Variants in CYB5RL observed in about 807,000 individuals in gnomAD.
CYB5RL encodes cytochrome b5 reductase like.
CYB5RL carries 38 observed loss-of-function variants against 37.5 expected under a neutral mutation model. The ratio of observed to expected loss-of-function variants is 1.01; its 90% CI spans 0.78 to 1.33. The LOEUF (loss-of-function observed/expected upper bound fraction) is 1.33, where lower values mean the gene tolerates loss of function less well. Ranked by LOEUF, CYB5RL falls within the 40% of genes most tolerant of loss-of-function variation. The pLI is 0.00. For missense variants in CYB5RL, 388 were observed against 394.4 expected (o/e 0.98, Z 0.14); for synonymous variants, 141 against 151.9 (o/e 0.93, Z 0.53).
intron 3 of CYB5RL, among the ~76,000 whole-genome samples, chr1:54,192,931 T>G (rs1643969891): frequency 6.6e-6 from 1 of 152,062 alleles, no homozygotes; most frequent in Non-Finnish European, 1.5e-5. Flanking sequence ...ATTTTTATAT[T>G]TGTAGTAGAG....
chr1:54,175,919 AG>A (rs1169328264), intron 7 of CYB5RL, among the ~76,000 whole-genome samples: 2 of 152,308 alleles, frequency 1.3e-5, no homozygotes, highest in South Asian at 2.1e-4. Flanking sequence ...ATGAATACCA[AG>A]GGACAACTAT....
chr1:54,187,858 T>C (rs930565477), intron 4 of CYB5RL, 119 bp from the exon 5 acceptor site: 24 of 798,600 alleles, frequency 3.0e-5, no homozygotes, highest in Non-Finnish European at 4.4e-5. Context: ...GGCTGATCAC[T>C]TGAGGTCAGG....
In CYB5RL at chr1:54,170,053, G is replaced by A. The variant is rs944505109; in HGVS notation, c.*4566C>T. 1.3e-5 allele frequency: 2 copies of A among 152,336 alleles called. No individual in the cohort carries two copies. Among genetic ancestry groups the A allele is most frequent in the East Asian group, 3.9e-4 (2 of 5,192 alleles). 9.4% of individuals were successfully genotyped at this position (152,336 alleles called of 1,614,324 possible). ...GCGGATGGAGTTCACTTTAATTGCT[G>A]TATCTACAGGCAGTTTTTAATTCCT... On this transcript the variant is annotated 3_prime_UTR_variant, in exon 8 of 8. Transcript: ENST00000534324.
At chr1:54,180,448 C>A (rs963082955) in intron 6 of CYB5RL, among the ~76,000 whole-genome samples, 1 of 149,702 alleles carries the variant, frequency 6.7e-6, no homozygotes, top group Non-Finnish European at 1.5e-5. Context: ...ACTAAAAATA[C>A]AAAAAATTAG....
intron 3 of CYB5RL, among the ~76,000 whole-genome samples, chr1:54,194,440 G>C (rs1570122169): frequency 6.6e-6 from 1 of 152,204 alleles, no homozygotes; most frequent in Non-Finnish European, 1.5e-5. Flanking sequence ...ATGATCTATA[G>C]CTTAAGAACA....
Position 54,174,665 on chromosome 1 carries a change from C to T in CYB5RL, c.902G>A (p.Cys301Tyr). The T allele has an allele frequency of 1.9e-6, 3 of 1,613,266 alleles. No individual in the cohort carries two copies. Among genetic ancestry groups the T allele is most frequent in the Non-Finnish European group, 2.5e-6 (3 of 1,179,654 alleles). ...SAEFTKDIAR[C>Y]LLCAGLTEDS... The stretch of plus-strand genomic sequence containing the variant: ...CTCAGTGAGGCCTGCGCACAGTAAG[C>T]ACCTGGCTATGTCTTTGGTGAACTC... The change falls in exon 8 of 8, where the codon TGC (cysteine) becomes TAC (tyrosine). Residue 301 changes from cysteine to tyrosine, a missense_variant. By Grantham distance (194) the Cys-to-Tyr change is radical (BLOSUM62 -2). Coordinates refer to ENST00000534324, the MANE Select transcript of CYB5RL (RefSeq NM_001031672.4).
chr1:54,175,606 A>C (rs191251965), intron 7 of CYB5RL: 45 of 418,386 alleles, frequency 1.1e-4, no homozygotes, highest in Non-Finnish European at 9.8e-6. Flanking sequence ...ACAAATCATT[A>C]AGTATACAGT....
chr1:54,199,316 A>C (rs1174875823), intron 1 of CYB5RL, among the ~76,000 whole-genome samples: 1 of 152,232 alleles, frequency 6.6e-6, no homozygotes, highest in Non-Finnish European at 1.5e-5. Context: ...GCACTCACTG[A>C]GCTCATATCT....
chr1:54,197,317 C>CTTTTTTTTTTT (rs766084507), intron 1 of CYB5RL, among the ~76,000 whole-genome samples: 1 of 124,084 alleles, frequency 8.1e-6, no homozygotes, highest in Admixed American at 8.8e-5. Flanking sequence ...CTTTTCTTTT[C>CTTTTTTTTTTT]TTTTTTTTTT....
intron 3 of CYB5RL, among the ~76,000 whole-genome samples, chr1:54,192,066 A>G (rs1363770627): frequency 1.3e-5 from 2 of 152,222 alleles, no homozygotes; most frequent in Non-Finnish European, 2.9e-5. Context: ...ATAAGTTACC[A>G]TGGAAATGTA....
Position 54,195,563 on chromosome 1 carries a change from T to C in CYB5RL, c.54A>G (p.Leu18=). The C allele has an allele frequency of 1.2e-6, 2 of 1,613,712 alleles. No individual in the cohort carries two copies. ...DDDTEEAWMQ[L]RPTEPLPSQC... ...GGGAAGGCAAGGGTTCTGTGGGCCG[T>C]AGCTGCATCCAGGCTTCCTCAGTGT... Residue 18 remains leucine (L), a synonymous_variant, in exon 3 of 8, where the codon CTA becomes CTG. Transcript: ENST00000534324.
intron 3 of CYB5RL, among the ~76,000 whole-genome samples, chr1:54,194,909 C>T (rs959707527): frequency 2.0e-5 from 3 of 152,214 alleles, no homozygotes; most frequent in African/African-American, 7.2e-5. Context: ...CCAAACATTA[C>T]AATAAAGGGC....
rs147289223 is a variant in CYB5RL at position 54,177,965 on chromosome 1, T to C, written c.744+1184A>G. On this transcript the variant is annotated intron_variant, in intron 7 of 7. Coordinates refer to ENST00000534324, the MANE Select transcript of CYB5RL (RefSeq NM_001031672.4). Reference sequence around the variant, plus strand: ...CCTTCCTGCCCTCCTCCCAGCATCCTTGTCCAGGCTCTCAGGCAGGCTGCC... The same window carrying C: ...CCTTCCTGCCCTCCTCCCAGCATCCCTGTCCAGGCTCTCAGGCAGGCTGCC... Among the ~76,000 whole-genome samples the C allele has an allele frequency of 2.7e-4, 41 of 152,310 alleles. No individual in the cohort carries two copies. In the East Asian group the frequency reaches 6.4e-3, roughly 24 times the overall value.
Position 54,195,625 on chromosome 1 carries a change from C to G in CYB5RL, c.-9G>C. 6.2e-7 allele frequency: 1 copy of G among 1,601,254 alleles called. No homozygotes were observed. Among genetic ancestry groups the G allele is most frequent in the South Asian group, 1.1e-5 (1 of 89,072 alleles). On this transcript the variant is annotated 5_prime_UTR_variant, in exon 3 of 8. Transcript: ENST00000534324. ...TCCCTCTCAGCCATCATCAGTGGGG[C>G]TTGGGCAGCCTAGAAGGAACAACTG...
At chr1:54,178,425 C>T (rs1431943784) in intron 7 of CYB5RL, among the ~76,000 whole-genome samples, 1 of 152,146 alleles carries the variant, frequency 6.6e-6, no homozygotes, top group Admixed American at 6.5e-5. Context: ...GAAAGGCAGG[C>T]CACCAAAGGT....
rs1659938401 is a variant in CYB5RL, at chr1:54,173,346, G to C, written c.*1273C>G. On this transcript the variant is annotated 3_prime_UTR_variant, in exon 8 of 8. Transcript: ENST00000534324. ...GAAGGGGGTACTGGGGATCCATCTG[G>C]AGCTGTCCTTTCACTGCTGCTATGC... is the stretch of plus-strand genomic sequence containing the variant. 1 of 152,310 alleles carries C rather than the reference G, an allele frequency of 6.6e-6. No individual in the cohort carries two copies. The highest frequency in any genetic ancestry group is 2.1e-4 in the South Asian group (1 of 4,828). The allele number at this position is 152,310 out of a possible 1,614,324, so 9.4% of individuals were successfully genotyped here. A position where few individuals can be genotyped will look rare whatever the true frequency, so the allele number is the denominator to read the frequency against.
rs574669549 is a variant in CYB5RL at position 54,181,720 on chromosome 1, C to T, written c.541-2368G>A. ...TAATCCCAGCACTTTGGGAGGCTGA[C>T]GTGGGAGGATCACTTGAGCCAAGGA... On this transcript the variant is annotated intron_variant, in intron 6 of 7. Coordinates refer to ENST00000534324, the MANE Select transcript of CYB5RL (RefSeq NM_001031672.4). Among the ~76,000 whole-genome samples, 4 of 152,198 alleles carry T rather than the reference C, an allele frequency of 2.6e-5. No homozygotes were observed. In the South Asian group the frequency reaches 8.3e-4, roughly 32 times the overall value.
chr1:54,179,779 A>G (rs1557719347), intron 6 of CYB5RL, among the ~76,000 whole-genome samples: 1 of 151,722 alleles, frequency 6.6e-6, no homozygotes, highest in Non-Finnish European at 1.5e-5. Context: ...AGCCTTGCCC[A>G]CTCCCAATGC....
chr1:54,189,032 A>T (rs1397918390), intron 4 of CYB5RL, among the ~76,000 whole-genome samples: 3 of 152,040 alleles, frequency 2.0e-5, no homozygotes, highest in Admixed American at 6.6e-5. Flanking sequence ...AATATACAAA[A>T]ATTAGCTGGG....
Sources: gnomAD v4.1 joint callset for allele counts (sites outside exome capture counted in the v4.1 genomes callset) on GRCh38, gnomAD v4.1.1 for gene constraint, MANE v1.5 for transcripts, NCBI Gene and HGNC (gene_info 2026-07-23, HGNC 2026-07-21) for gene names.